Variants in MAGI2 observed in about 807,000 individuals in gnomAD.
The protein encoded by MAGI2 is membrane associated guanylate kinase, WW and PDZ domain containing 2, also known as membrane-associated guanylate kinase, WW and PDZ domain-containing protein 2.
In MAGI2, 35 loss-of-function variants were observed where a neutral mutation model predicts 133.3. The ratio of observed to expected loss-of-function variants is 0.26; its 90% confidence interval spans 0.20 to 0.35. MAGI2 has a LOEUF of 0.35. Among genes scored for constraint, MAGI2 ranks in the 10% least tolerant of loss-of-function variants. The pLI is 1.00. For synonymous variants in MAGI2, 729 were observed against 710.6 expected, an observed-to-expected ratio of 1.03 and a Z score of -0.41; for missense variants, 1,636 against 1,863.4, an observed-to-expected ratio of 0.88 and a Z score of 2.25.
rs1253653359 is a variant in MAGI2, at chr7:78,521,494, C to A, written c.690G>T (p.Glu230Asp). 23 of 1,614,008 alleles carry A rather than the reference C, an allele frequency of 1.4e-5. No homozygotes were observed. The African/African-American group carries it at 2.8e-4, about 20-fold the overall frequency. The change falls in exon 4 of 22, where the codon GAG becomes GAT. Residue 230 changes from glutamate (E) to aspartate (D), a missense_variant. Physicochemically the swap from Glu to Asp is conservative, Grantham distance 45. This residue lies in a region of MAGI2 where 165 missense variants were observed against 128.4 expected (regional missense o/e 1.28). Transcript: ENST00000354212. ...SVSNMEKASI[E>D]PPEEEEEERP... Reference sequence around the variant, plus strand: ...TCTCTTCCTCTTCCTCCTCAGGAGGCTCTATACTGGCTTTCTCCATGTTGC... The same window carrying A: ...TCTCTTCCTCTTCCTCCTCAGGAGGATCTATACTGGCTTTCTCCATGTTGC...
chr7:78,460,858 T>G (rs969321152), intron 6 of MAGI2, among the ~76,000 whole-genome samples: 2 of 152,152 alleles, frequency 1.3e-5, no homozygotes, highest in African/African-American at 4.8e-5. Context: ...ATAAACCTTA[T>G]GTCTTATTCA....
At chr7:78,656,277 G>A (rs977167483) in intron 2 of MAGI2, among the ~76,000 whole-genome samples, 5 of 152,084 alleles carry the variant, frequency 3.3e-5, no homozygotes, top group African/African-American at 1.2e-4. Context: ...TTTTCTCATT[G>A]GAATCAACCT....
At chr7:79,381,741 A>G (rs1843797450) in intron 1 of MAGI2, among the ~76,000 whole-genome samples, 1 of 151,730 alleles carries the variant, frequency 6.6e-6, no homozygotes, top group Non-Finnish European at 1.5e-5. Flanking sequence ...AATAAGGGGA[A>G]GATTTTGACC....
chr7:79,274,581 T>C (rs1436409904), intron 1 of MAGI2, among the ~76,000 whole-genome samples: 1 of 90,630 alleles, frequency 1.1e-5, no homozygotes, highest in Non-Finnish European at 3.0e-5. Context: ...TATTATATTA[T>C]ATATTTTTTT....
chr7:78,398,940 G>A (rs2151335161), intron 6 of MAGI2, among the ~76,000 whole-genome samples: 1 of 152,128 alleles, frequency 6.6e-6, no homozygotes, highest in Non-Finnish European at 1.5e-5. Flanking sequence ...AATTTTCTTT[G>A]ACAATGAACC....
intron 1 of MAGI2, among the ~76,000 whole-genome samples, chr7:79,035,138 T>C (rs1810991987): frequency 6.7e-6 from 1 of 149,346 alleles, no homozygotes; most frequent in Non-Finnish European, 1.5e-5. Flanking sequence ...TTGGAACATC[T>C]ACTTTCCAAA....
At chr7:79,411,174 C>T (rs2158708) in intron 1 of MAGI2, 1 of 151,910 alleles carries the variant, frequency 6.6e-6, no homozygotes, top group Non-Finnish European at 1.5e-5. Flanking sequence ...GCAGTAACAG[C>T]TTTTCATCTT....
chr7:79,316,657 C>G (rs564600561), intron 1 of MAGI2, among the ~76,000 whole-genome samples: 3 of 152,176 alleles, frequency 2.0e-5, no homozygotes, highest in African/African-American at 7.2e-5. Flanking sequence ...TCCCTCCATC[C>G]TCTTCTAATT....
chr7:78,901,557 G>T (rs1243571287), intron 2 of MAGI2: 1 of 152,050 alleles, frequency 6.6e-6, no homozygotes, highest in Non-Finnish European at 1.5e-5. Flanking sequence ...AAATATTCAA[G>T]CAAGCACTTT....
chr7:78,329,257 A>T (rs1788922358), intron 9 of MAGI2, among the ~76,000 whole-genome samples: 1 of 152,148 alleles, frequency 6.6e-6, no homozygotes, highest in Non-Finnish European at 1.5e-5. Flanking sequence ...TCTATCTGTA[A>T]TTTCACTGGC....
chr7:78,813,571 G>A (rs1719810815), intron 2 of MAGI2, among the ~76,000 whole-genome samples: 2 of 152,076 alleles, frequency 1.3e-5, no homozygotes, highest in South Asian at 2.1e-4. Context: ...GGATCACGAG[G>A]TCAGGAGATC....
chr7:78,519,652 T>G (rs1405637947), intron 4 of MAGI2, among the ~76,000 whole-genome samples: 1 of 152,228 alleles, frequency 6.6e-6, no homozygotes, highest in Non-Finnish European at 1.5e-5. Context: ...GAAGGAAATT[T>G]GGCTTTCTAG....
intron 6 of MAGI2, among the ~76,000 whole-genome samples, chr7:78,440,435 G>A (rs924352391): frequency 2.0e-5 from 3 of 152,100 alleles, no homozygotes; most frequent in Non-Finnish European, 4.4e-5. Context: ...ATGAAAGGTG[G>A]TGGGTTGGAA....
At chr7:78,655,063 G>T (rs530063257) in intron 2 of MAGI2, among the ~76,000 whole-genome samples, 3 of 151,184 alleles carry the variant, frequency 2.0e-5, no homozygotes, top group African/African-American at 4.9e-5. Context: ...TTTATATATC[G>T]CATGCCCGTA....
rs1202387914 is a variant in MAGI2, at chr7:78,946,277, CTTCT to C, written c.418+60809_418+60812del. Among the ~76,000 whole-genome samples the C allele has an allele frequency of 8.5e-5, 13 of 152,264 alleles. No homozygotes were observed. In the South Asian group the frequency reaches 1.7e-3, roughly 19 times the overall value. ...TAATCATGTAAAGCAACTAAATATA[CTTCT>C]TTCTTCCTAGATAGTTAATATGATT... On this transcript the variant is annotated intron_variant, in intron 2 of 21. Transcript: ENST00000354212.
intron 7 of MAGI2, among the ~76,000 whole-genome samples, chr7:78,347,981 C>T (rs1173749654): frequency 1.3e-5 from 2 of 152,298 alleles, no homozygotes; most frequent in Non-Finnish European, 1.5e-5. Flanking sequence ...CCTGTTTTCC[C>T]GTTTCTCCAT....
At chr7:78,671,102 C>T (rs57360538) in intron 2 of MAGI2, among the ~76,000 whole-genome samples, 8,077 of 152,076 alleles carry the variant, frequency 0.053, 297 homozygotes, top group East Asian at 0.15. Flanking sequence ...GATTATCAAA[C>T]CTATGAACAA....
chr7:78,159,496 A>G (rs1277055303), intron 16 of MAGI2, among the ~76,000 whole-genome samples: 1 of 152,152 alleles, frequency 6.6e-6, no homozygotes, highest in African/African-American at 2.4e-5. Context: ...TGAAGCCAGC[A>G]CTGTCTGCCT....
chr7:79,140,207 G>A (rs1215484473), intron 1 of MAGI2, among the ~76,000 whole-genome samples: 1 of 152,128 alleles, frequency 6.6e-6, no homozygotes, highest in Non-Finnish European at 1.5e-5. Flanking sequence ...TTGTCACTGT[G>A]GAGAAATGGT....
Sources: gnomAD v4.1 joint callset for allele counts (sites outside exome capture counted in the v4.1 genomes callset) on GRCh38, gnomAD v4.1.1 for gene constraint, gnomAD v4.1.1 regional missense constraint, MANE v1.5 for transcripts, NCBI Gene and HGNC (gene_info 2026-07-23, HGNC 2026-07-21) for gene names.